The following RIC8B variants were observed in gnomAD, a reference collection of about 807,000 sequenced individuals.
RIC8B encodes chaperone Ric-8B.
In RIC8B, 16 loss-of-function variants were observed where a neutral mutation model predicts 57.5. That is an observed-to-expected ratio of 0.28 (90% CI 0.19 to 0.42). RIC8B has a LOEUF of 0.42. Ranked by LOEUF, RIC8B falls within the 10% of genes least tolerant of loss-of-function variation. The pLI is 1.00. For missense variants in RIC8B, 481 were observed against 677.0 expected (o/e 0.71, Z 3.21); for synonymous variants, 216 against 250.8 (o/e 0.86, Z 1.31).
intron 4 of RIC8B, among the ~76,000 whole-genome samples, chr12:106,838,827 C>CA (rs139991727): frequency 0.072 from 10,348 of 144,140 alleles, 542 homozygotes; most frequent in African/African-American, 0.15. Context: ...TCTTAATAGC[C>CA]AAAAAAAAAA....
At chr12:106,854,455 A>G (rs959220732) in intron 7 of RIC8B, among the ~76,000 whole-genome samples, 1 of 152,216 alleles carries the variant, frequency 6.6e-6, no homozygotes, top group Non-Finnish European at 1.5e-5. Flanking sequence ...GTAGAGACAG[A>G]CAGTAAGCAG....
At chr12:106,834,983 C>CAAAAAA (rs71072695) in intron 4 of RIC8B, among the ~76,000 whole-genome samples, 1 of 31,312 alleles carries the variant, frequency 3.2e-5, no homozygotes, top group African/African-American at 1.2e-4. Flanking sequence ...GACTCTGTCT[C>CAAAAAA]AAAAAAAAAA....
intron 4 of RIC8B, among the ~76,000 whole-genome samples, chr12:106,836,480 G>A (rs1334299099): frequency 6.6e-6 from 1 of 152,080 alleles, no homozygotes; most frequent in East Asian, 1.9e-4. Flanking sequence ...CCCCTAAAAA[G>A]CTTCTTCTCT....
chr12:106,804,987 A>G (rs749542429), intron 2 of RIC8B, among the ~76,000 whole-genome samples: 6 of 152,202 alleles, frequency 3.9e-5, no homozygotes, highest in Non-Finnish European at 7.3e-5. Flanking sequence ...AGAAGTTTGG[A>G]CAGGCATTAG....
intron 2 of RIC8B, among the ~76,000 whole-genome samples, chr12:106,788,918 T>C (rs1475788242): frequency 6.6e-6 from 1 of 152,228 alleles, no homozygotes; most frequent in Non-Finnish European, 1.5e-5. Context: ...AGCTTGAATT[T>C]CTCCTCAGAA....
At chr12:106,789,888 T>C (rs751535292) in intron 2 of RIC8B, among the ~76,000 whole-genome samples, 41 of 151,868 alleles carry the variant, frequency 2.7e-4, no homozygotes, top group Non-Finnish European at 5.7e-4. Flanking sequence ...TGAAAAATCT[T>C]TGTGACAACT....
At chr12:106,868,766 G>GACACACAC (rs56293147) in intron 8 of RIC8B, among the ~76,000 whole-genome samples, 120 of 123,020 alleles carry the variant, frequency 9.8e-4, no homozygotes, top group Middle Eastern at 4.1e-3. Context: ...AGGCACTCTA[G>GACACACAC]ACACACACAC....
intron 3 of RIC8B, among the ~76,000 whole-genome samples, chr12:106,817,443 T>C (rs1290578896): frequency 6.6e-6 from 1 of 151,994 alleles, no homozygotes; most frequent in African/African-American, 2.4e-5. Flanking sequence ...GGGATGAACA[T>C]TTTGTGGAAG....
intron 4 of RIC8B, 117 bp from the exon 5 acceptor site, chr12:106,842,472 G>A (rs915481567): frequency 6.5e-6 from 5 of 769,604 alleles, no homozygotes; most frequent in Non-Finnish European, 6.1e-6. Flanking sequence ...GCTCATTTTT[G>A]GAAAAGAAAT....
intron 3 of RIC8B, chr12:106,822,131 G>T (rs1438971441): frequency 6.9e-6 from 1 of 144,240 alleles, no homozygotes; most frequent in Non-Finnish European, 1.5e-5. Context: ...CAAAGGGCTT[G>T]AACAGGAACT....
In RIC8B at chr12:106,886,100, A is replaced by T. The variant is rs1345477508; in HGVS notation, c.*85A>T. 1 of 952,968 alleles carries T rather than the reference A, an allele frequency of 1.0e-6. No individual in the cohort carries two copies. Among genetic ancestry groups the T allele is most frequent in the Non-Finnish European group, 1.7e-6 (1 of 600,296 alleles). The allele number at this position is 952,968 out of a possible 1,614,324, so 59.0% of individuals were successfully genotyped here. A position where few individuals can be genotyped will look rare whatever the true frequency, so the allele number is the denominator to read the frequency against. Reference sequence around the variant, plus strand: ...GGGGAATCTTTTCTCTAAAACATTTATGCCCTTGCTTTGGCTAGAAACACA... The same window carrying T: ...GGGGAATCTTTTCTCTAAAACATTTTTGCCCTTGCTTTGGCTAGAAACACA... On this transcript the variant is annotated 3_prime_UTR_variant, in exon 10 of 10. Transcript: ENST00000392837.
intron 2 of RIC8B, among the ~76,000 whole-genome samples, chr12:106,785,805 C>CTG (rs2043984318): frequency 7.8e-6 from 1 of 127,920 alleles, no homozygotes. Flanking sequence ...CTCTCTCTCT[C>CTG]TCTCTCTCTG....
In RIC8B at chr12:106,815,281, G is replaced by C. The variant is rs2045523984; in HGVS notation, c.718G>C (p.Asp240His). 3 of 1,613,366 alleles carry C rather than the reference G, an allele frequency of 1.9e-6. No homozygotes were observed. Among genetic ancestry groups the C allele is most frequent in the Non-Finnish European group, 1.7e-6 (2 of 1,179,766 alleles). The change falls in exon 3 of 10, where the codon GAC becomes CAC. Residue 240 changes from aspartate to histidine, a missense_variant. Physicochemically the swap from Asp to His is moderately conservative, Grantham distance 81. This residue lies in a region of RIC8B where 421 missense variants were observed against 560.9 expected (regional missense o/e 0.75). Coordinates refer to ENST00000392837, the MANE Select transcript of RIC8B (RefSeq NM_001330145.2). ...CAAAGCTCTCTTCAATGTGACGGTA[G>C]ACAGTTGGAAGGTGCATAAAGAGGT... Reference protein sequence around the residue: ...ALKALFNVTVDSWKVHKESDS... With the variant: ...ALKALFNVTVHSWKVHKESDS...
intron 3 of RIC8B, among the ~76,000 whole-genome samples, chr12:106,824,884 G>A (rs891333992): frequency 2.0e-5 from 3 of 151,984 alleles, no homozygotes; most frequent in Non-Finnish European, 4.4e-5. Flanking sequence ...TCCAGCCTAG[G>A]CGACAAGAGC....
intron 2 of RIC8B, among the ~76,000 whole-genome samples, chr12:106,802,088 A>C (rs937570153): frequency 6.6e-6 from 1 of 152,234 alleles, no homozygotes; most frequent in African/African-American, 2.4e-5. Context: ...GGGAAACATC[A>C]TCCATCCAAG....
At chr12:106,777,570 T>C (rs1014983433) in intron 1 of RIC8B, among the ~76,000 whole-genome samples, 1 of 152,162 alleles carries the variant, frequency 6.6e-6, no homozygotes, top group Non-Finnish European at 1.5e-5. Context: ...AGAGGTTCTT[T>C]ATGCTACCTT....
At chr12:106,822,264 A>C (rs2045889710) in intron 3 of RIC8B, 2 of 152,170 alleles carry the variant, frequency 1.3e-5, no homozygotes, top group African/African-American at 4.8e-5. Flanking sequence ...GACTAAAATG[A>C]AAAAGGCTGA....
chr12:106,774,854 G>A (rs1813105230), intron 1 of RIC8B, 25 bp downstream of exon 1: 1 of 1,533,782 alleles, frequency 6.5e-7, no homozygotes, highest in Non-Finnish European at 8.8e-7. Context: ...CCCCGGGCGT[G>A]CGGTATCGCA....
chr12:106,888,621 A>G lies in RIC8B; in HGVS notation c.*2606A>G, dbSNP rs1274047647. 6.6e-6 allele frequency: 1 copy of G among 152,624 alleles called. No homozygotes were observed. Among genetic ancestry groups the G allele is most frequent in the East Asian group, 1.9e-4 (1 of 5,198 alleles). The allele number at this position is 152,624 out of a possible 1,614,324, so 9.5% of individuals were successfully genotyped here. A position where few individuals can be genotyped will look rare whatever the true frequency, so the allele number is the denominator to read the frequency against. ...CATTCTCAGGCCATTTTAAGCAATA[A>G]CTATTTCAACAGAACTAGTTTAAAG... On this transcript the variant is annotated 3_prime_UTR_variant, in exon 10 of 10. Coordinates refer to ENST00000392837, the MANE Select transcript of RIC8B (RefSeq NM_001330145.2).
Sources: gnomAD v4.1 joint callset for allele counts (sites outside exome capture counted in the v4.1 genomes callset) on GRCh38, gnomAD v4.1.1 for gene constraint, gnomAD v4.1.1 regional missense constraint, MANE v1.5 for transcripts, NCBI Gene and HGNC (gene_info 2026-07-23, HGNC 2026-07-21) for gene names.